SMARCB1: variants seen among roughly 807,000 people sequenced by gnomAD.
The protein encoded by SMARCB1 is SWI/SNF related BAF chromatin remodeling complex subunit B1.
Under a neutral mutation model 49.0 loss-of-function variants are expected in SMARCB1, and 5 were observed. That is an observed-to-expected ratio of 0.10 (90% CI 0.05 to 0.21). The LOEUF is 0.21. Ranked by LOEUF, SMARCB1 falls within the 10% of genes least tolerant of loss-of-function variation. The pLI is 1.00. For missense variants in SMARCB1, 226 were observed against 509.2 expected, an observed-to-expected ratio of 0.44 and a Z score of 5.35; for synonymous variants, 201 against 200.1, an observed-to-expected ratio of 1.00 and a Z score of -0.04.
chr22:23,817,555 C>G (rs1262315755), intron 6 of SMARCB1: 1 of 153,776 alleles, frequency 6.5e-6, no homozygotes, highest in African/African-American at 2.4e-5. Flanking sequence ...AGATCTGATG[C>G]TGTGCCTTTG....
chr22:23,828,100 T>C (rs2146032268), intron 7 of SMARCB1, among the ~76,000 whole-genome samples: 1 of 152,288 alleles, frequency 6.6e-6, no homozygotes, highest in South Asian at 2.1e-4. Context: ...TCGCCCAGGC[T>C]GGAGTGCAGT....
At chr22:23,809,329 T>TGCAATG (rs1311175706) in intron 5 of SMARCB1, among the ~76,000 whole-genome samples, 2 of 147,930 alleles carry the variant, frequency 1.4e-5, no homozygotes, top group African/African-American at 5.0e-5. Flanking sequence ...CAGGCTGGAG[T>TGCAATG]GCAATGGCAC....
intron 3 of SMARCB1, among the ~76,000 whole-genome samples, chr22:23,797,062 A>G (rs373277797): frequency 2.0e-5 from 3 of 148,694 alleles, no homozygotes; most frequent in South Asian, 4.3e-4. Context: ...CAGTGGCGCA[A>G]TCTCGGCTCA....
At chr22:23,803,040 T>C in intron 4 of SMARCB1, 1 of 574,582 alleles carries the variant, frequency 1.7e-6, no homozygotes, top group Non-Finnish European at 3.1e-6. Flanking sequence ...GATGTCTGGG[T>C]GTTGTTCCAA....
chr22:23,805,810 TTC>T (rs1929459542), intron 5 of SMARCB1, among the ~76,000 whole-genome samples: 2 of 152,240 alleles, frequency 1.3e-5, no homozygotes, highest in Admixed American at 1.3e-4. Context: ...CGGCTGCTGT[TTC>T]TCTTAACATA....
rs1162709488 is a variant in SMARCB1, at chr22:23,793,658, C to G, written c.332C>G (p.Ser111Cys). The G allele has an allele frequency of 6.2e-7, 1 of 1,614,094 alleles. No individual in the cohort carries two copies. The highest frequency in any genetic ancestry group is 1.7e-5 in the Admixed American group (1 of 60,018). Residue 111 changes from serine (S) to cysteine (C), a missense_variant, in exon 3 of 9, where the codon TCC (serine) becomes TGC (cysteine). Physicochemically the swap from Ser to Cys is moderately radical, Grantham distance 112. Coordinates refer to ENST00000644036, the MANE Select transcript of SMARCB1 (RefSeq NM_003073.5). ...DGNDEKYKAV[S>C]ISTEPPTYLR... Reference sequence around the variant, plus strand: ...AACGATGAGAAGTACAAGGCTGTGTCCATCAGCACAGAGCCCCCCACCTAC... The same window carrying G: ...AACGATGAGAAGTACAAGGCTGTGTGCATCAGCACAGAGCCCCCCACCTAC...
At chr22:23,791,985 G>T in intron 2 of SMARCB1, 91 bp downstream of exon 2, 2 of 1,411,762 alleles carry the variant, frequency 1.4e-6, no homozygotes, top group South Asian at 2.3e-5. Flanking sequence ...TGTCTTCACT[G>T]CAGCCTTGGC....
intron 5 of SMARCB1, 30 bp downstream of exon 5, chr22:23,803,452 G>T (rs758945201): frequency 6.2e-6 from 10 of 1,612,906 alleles, no homozygotes; most frequent in Admixed American, 5.0e-5. Context: ...GGCTGGGCCT[G>T]GCCCCAACCC....
At chr22:23,829,168 G>A (rs956117030) in intron 7 of SMARCB1, among the ~76,000 whole-genome samples, 4 of 152,236 alleles carry the variant, frequency 2.6e-5, no homozygotes, top group Admixed American at 6.5e-5. Context: ...GGCCAGGGAC[G>A]GGAGGAGACA....
At chr22:23,807,006 A>G (rs1198968586) in intron 5 of SMARCB1, among the ~76,000 whole-genome samples, 1 of 151,928 alleles carries the variant, frequency 6.6e-6, no homozygotes, top group Non-Finnish European at 1.5e-5. Context: ...TTTCTCTGAA[A>G]AGGACTTGAA....
In SMARCB1 at chr22:23,832,700, C is replaced by T. The variant is rs562804781; in HGVS notation, c.987-872C>T. ...GGGACCACTGCATGTGGGAGGCACA[C>T]GGGCCCTGTGGCATCCACAGCTGTG... On this transcript the variant is annotated intron_variant, in intron 7 of 8. Transcript: ENST00000644036. 5.9e-5 allele frequency among the ~76,000 whole-genome samples: 9 copies of T among 152,350 alleles called. No homozygotes were observed. In the South Asian group the frequency reaches 1.5e-3, roughly 25 times the overall value.
chr22:23,816,646 G>T lies in SMARCB1; in HGVS notation c.629-124G>T. ...CCAGTTTCCAGGAAGGCCACCCCCAGTGCCCTGGTTGTCCTCTCCTGCATC... is the reference window on the plus strand; with the variant it reads ...CCAGTTTCCAGGAAGGCCACCCCCATTGCCCTGGTTGTCCTCTCCTGCATC... On this transcript the variant is annotated intron_variant, in intron 5 of 8. Transcript: ENST00000644036. 11 of 928,002 alleles carry T rather than the reference G, an allele frequency of 1.2e-5. 1 individual carries two copies. In the South Asian group the frequency reaches 1.4e-4, roughly 12 times the overall value. The allele number at this position is 928,002 out of a possible 1,614,324, so 57.5% of individuals were successfully genotyped here. A position where few individuals can be genotyped will look rare whatever the true frequency, so the allele number is the denominator to read the frequency against.
intron 5 of SMARCB1, chr22:23,803,825 C>T: frequency 3.0e-6 from 1 of 334,056 alleles, no homozygotes; most frequent in Non-Finnish European, 5.9e-6. Flanking sequence ...CTCTCCTCCT[C>T]TAACTGGTCA....
chr22:23,813,287 G>T (rs1429000226), intron 5 of SMARCB1, among the ~76,000 whole-genome samples: 1 of 152,228 alleles, frequency 6.6e-6, no homozygotes, highest in African/African-American at 2.4e-5. Flanking sequence ...AGCTAATCCA[G>T]TAAGCTGAGA....
intron 1 of SMARCB1, among the ~76,000 whole-genome samples, chr22:23,788,466 T>C (rs1928154804): frequency 6.6e-6 from 1 of 152,212 alleles, no homozygotes; most frequent in African/African-American, 2.4e-5. Context: ...TGTGCAGTGG[T>C]GTGATCTCGG....
At chr22:23,806,820 C>T (rs546101543) in intron 5 of SMARCB1, among the ~76,000 whole-genome samples, 10 of 149,972 alleles carry the variant, frequency 6.7e-5, no homozygotes, top group Admixed American at 5.4e-4. Context: ...CCTGGGAGGC[C>T]GAGGCACAAG....
rs542528071 is a variant in SMARCB1 at position 23,797,306 on chromosome 22, T to A, written c.362+3618T>A. ...AGCCACCGGGCCTGGCCTGTTTTTTTTTATTATTATTATTTTTTTTGAGAC... is the reference window on the plus strand; with the variant it reads ...AGCCACCGGGCCTGGCCTGTTTTTTATTATTATTATTATTTTTTTTGAGAC... On this transcript the variant is annotated intron_variant, in intron 3 of 8. Transcript: ENST00000644036. 5.1e-3 allele frequency among the ~76,000 whole-genome samples: 742 copies of A among 146,288 alleles called. 9 individuals are homozygous for A. Among genetic ancestry groups the A allele is most frequent in the African/African-American group, 0.017 (691 of 39,544 alleles).
At position 23,834,283 on chromosome 22, in the gene SMARCB1, T is replaced by C; in HGVS notation, c.*103T>C. ...GAGGCGAGGGGACAGCCCAGCGCCA[T>C]CCTGAGGATCGGGTGGGGGTGGAGT... On this transcript the variant is annotated 3_prime_UTR_variant, in exon 9 of 9. Coordinates refer to ENST00000644036, the MANE Select transcript of SMARCB1 (RefSeq NM_003073.5). 7.7e-7 allele frequency: 1 copy of C among 1,300,228 alleles called. No individual in the cohort carries two copies. The highest frequency in any genetic ancestry group is 1.8e-4 in the Middle Eastern group (1 of 5,558). 80.5% of individuals were successfully genotyped at this position (1,300,228 alleles called of 1,614,324 possible).
intron 6 of SMARCB1, among the ~76,000 whole-genome samples, chr22:23,822,885 C>T (rs970113081): frequency 2.7e-5 from 4 of 150,552 alleles, no homozygotes; most frequent in South Asian, 2.1e-4. Context: ...CTCCCTGGCA[C>T]TCCCGTGCTT....
Sources: gnomAD v4.1 joint callset for allele counts (sites outside exome capture counted in the v4.1 genomes callset) on GRCh38, gnomAD v4.1.1 for gene constraint, MANE v1.5 for transcripts, NCBI Gene and HGNC (gene_info 2026-07-23, HGNC 2026-07-21) for gene names.